The following MREG variants were observed in gnomAD, a reference collection of about 807,000 sequenced individuals.
The protein encoded by MREG is melanoregulin.
MREG carries 31 observed loss-of-function variants against 28.5 expected under a neutral mutation model. The ratio of observed to expected loss-of-function variants is 1.09; its 90% CI spans 0.82 to 1.47. The LOEUF (loss-of-function observed/expected upper bound fraction) is 1.47, where lower values mean the gene tolerates loss of function less well. Ranked by LOEUF, MREG falls within the 40% of genes most tolerant of loss-of-function variation. The probability of loss-of-function intolerance (pLI) is 0.00; values close to 1 mark genes in which losing one functional copy is unlikely to be tolerated. For missense variants in MREG, 256 were observed against 257.4 expected, an observed-to-expected ratio of 0.99 and a Z score of 0.04; for synonymous variants, 106 against 95.2, an observed-to-expected ratio of 1.11 and a Z score of -0.66.
At chr2:215,941,470 G>C (rs1370114994), downstream of MREG, among the ~76,000 whole-genome samples, 1 of 152,176 alleles carries the variant, frequency 6.6e-6, no homozygotes, top group African/African-American at 2.4e-5. Context: ...ATCACTGTCA[G>C]CTTGGACCTT....
At chr2:215,961,582 T>C (rs911363286) in intron 2 of MREG, among the ~76,000 whole-genome samples, 1 of 152,166 alleles carries the variant, frequency 6.6e-6, no homozygotes, top group Admixed American at 6.5e-5. Flanking sequence ...CCCACCACCA[T>C]GCCCGTCTAA....
intron 1 of MREG, among the ~76,000 whole-genome samples, chr2:215,996,996 GTCTTGAAC>G (rs373975329): frequency 2.3e-4 from 35 of 152,276 alleles, no homozygotes; most frequent in African/African-American, 7.5e-4. Context: ...GGTCAGGCTG[GTCTTGAAC>G]TCTTGGCCTC....
At chr2:215,956,120 C>T (rs1692622388) in intron 2 of MREG, among the ~76,000 whole-genome samples, 1 of 152,120 alleles carries the variant, frequency 6.6e-6, no homozygotes, top group Non-Finnish European at 1.5e-5. Flanking sequence ...AATAAAAATA[C>T]ATCCTACTTT....
upstream of MREG, among the ~76,000 whole-genome samples, chr2:216,015,123 G>GTGTGCGCGCGCGTGCGTGTGCGCGCA (rs1553556735): frequency 3.4e-5 from 5 of 147,524 alleles, no homozygotes; most frequent in East Asian, 3.9e-4. Flanking sequence ...GTGCACGCGT[G>GTGTGCGCGCGCGTGCGTGTGCGCGCA]TGTGTGCGCG....
intron 2 of MREG, among the ~76,000 whole-genome samples, chr2:215,955,413 AT>A (rs1464617735): frequency 6.6e-6 from 1 of 152,202 alleles, no homozygotes; most frequent in Non-Finnish European, 1.5e-5. Context: ...TTCATGCACT[AT>A]ATACCACCCT....
intron 2 of MREG, among the ~76,000 whole-genome samples, chr2:215,983,799 G>C (rs1450949657): frequency 6.6e-6 from 1 of 152,180 alleles, no homozygotes; most frequent in Non-Finnish European, 1.5e-5. Context: ...TCCTGCTGAT[G>C]AGTGACAGGC....
intron 1 of MREG, among the ~76,000 whole-genome samples, chr2:216,000,256 TC>T (rs1412240064): frequency 6.6e-6 from 1 of 151,114 alleles, no homozygotes; most frequent in East Asian, 1.9e-4. Context: ...CAGCTGACAG[TC>T]CCCCCAACAT....
At chr2:215,949,852 C>A (rs1692440018) in intron 2 of MREG, among the ~76,000 whole-genome samples, 1 of 152,192 alleles carries the variant, frequency 6.6e-6, no homozygotes, top group Admixed American at 6.5e-5. Context: ...CAATTTCTGG[C>A]TACTTGTTAT....
downstream of MREG, among the ~76,000 whole-genome samples, chr2:215,940,809 G>T (rs1249111876): frequency 6.6e-6 from 1 of 152,124 alleles, no homozygotes; most frequent in African/African-American, 2.4e-5. Context: ...CAACCTAATA[G>T]GGAACTCTGG....
intron 2 of MREG, among the ~76,000 whole-genome samples, chr2:215,967,141 C>T (rs1004653775): frequency 1.3e-5 from 2 of 152,208 alleles, no homozygotes; most frequent in Non-Finnish European, 2.9e-5. Context: ...TTATTATAGA[C>T]ATATGAATGA....
chr2:216,015,147 G>C (rs1047509717), upstream of MREG, among the ~76,000 whole-genome samples: 1 of 151,870 alleles, frequency 6.6e-6, no homozygotes, highest in East Asian at 1.9e-4. Flanking sequence ...GCGTCTGTGC[G>C]TGCGTACGTG....
chr2:216,005,654 T>C (rs1481632536), intron 1 of MREG, among the ~76,000 whole-genome samples: 2 of 151,882 alleles, frequency 1.3e-5, no homozygotes, highest in East Asian at 1.9e-4. Flanking sequence ...GGTTTCACCA[T>C]GTTGGCCAGG....
At chr2:216,025,037 A>G (rs970893276) in intron 1 of MREG, among the ~76,000 whole-genome samples, 5 of 152,182 alleles carry the variant, frequency 3.3e-5, no homozygotes, top group African/African-American at 1.2e-4. Context: ...AATGTATTAT[A>G]AAGATGAACT....
At chr2:216,016,907 A>G (rs1694456278), upstream of MREG, among the ~76,000 whole-genome samples, 1 of 152,222 alleles carries the variant, frequency 6.6e-6, no homozygotes, top group Admixed American at 6.5e-5. Flanking sequence ...GCCAACTGTA[A>G]CAGTTACTAA....
chr2:216,023,700 C>T (rs1694557240), intron 1 of MREG, among the ~76,000 whole-genome samples: 2 of 152,156 alleles, frequency 1.3e-5, no homozygotes, highest in Admixed American at 1.3e-4. Flanking sequence ...TAGAGTCTCA[C>T]TCTGTTGCCC....
At chr2:215,956,057 T>C (rs1692620652) in intron 2 of MREG, among the ~76,000 whole-genome samples, 1 of 152,140 alleles carries the variant, frequency 6.6e-6, no homozygotes, top group Non-Finnish European at 1.5e-5. Context: ...GTCAAACGTA[T>C]AACAAATAAA....
intron 2 of MREG, among the ~76,000 whole-genome samples, chr2:215,975,564 C>G (rs1488984944): frequency 6.6e-6 from 1 of 152,202 alleles, no homozygotes; most frequent in African/African-American, 2.4e-5. Context: ...GGGGCAGCCA[C>G]ATCCCATGGG....
In MREG at chr2:215,980,036, C is replaced by T. The variant is rs371016742; in HGVS notation, c.255+16270G>A. Among the ~76,000 whole-genome samples the T allele has an allele frequency of 1.4e-4, 22 of 151,898 alleles. No homozygotes were observed. The East Asian group carries it at 4.3e-3, about 29-fold the overall frequency. ...AGCCCATTTCTGTCAGTAAATTATC[C>T]TGCACATGCCTGCCAATTAATATGT... On this transcript the variant is annotated intron_variant, in intron 2 of 4. Transcript: ENST00000263268.
chr2:216,000,525 G>T (rs966769702), intron 1 of MREG, among the ~76,000 whole-genome samples: 1 of 151,894 alleles, frequency 6.6e-6, no homozygotes, highest in Non-Finnish European at 1.5e-5. Context: ...CTGGAGCAAT[G>T]AAACCCTGGT....
Sources: allele counts gnomAD v4.1 joint callset (sites outside exome capture counted in the v4.1 genomes callset), GRCh38; gene constraint gnomAD v4.1.1; transcripts MANE v1.5; gene names NCBI Gene and HGNC (gene_info 2026-07-23, HGNC 2026-07-21).